Variants in PRDM10 observed in about 807,000 individuals in gnomAD.
The protein encoded by PRDM10 is PR/SET domain 10.
Under a neutral mutation model 133.1 loss-of-function variants are expected in PRDM10, and 65 were observed. The ratio of observed to expected loss-of-function variants is 0.49; its 90% CI spans 0.40 to 0.60. The LOEUF (loss-of-function observed/expected upper bound fraction) is 0.60, where lower values mean the gene tolerates loss of function less well. Ranked by LOEUF, PRDM10 falls within the 20% of genes least tolerant of loss-of-function variation. The pLI is 0.00. For synonymous variants in PRDM10, 582 were observed against 580.4 expected (o/e 1.00, Z -0.04); for missense variants, 1,137 against 1,507.1 (o/e 0.75, Z 4.07).
At chr11:129,984,354 TTTACA>T (rs1938287616) in intron 1 of PRDM10, among the ~76,000 whole-genome samples, 1 of 152,188 alleles carries the variant, frequency 6.6e-6, no homozygotes, top group Non-Finnish European at 1.5e-5. Flanking sequence ...CAACAAAATC[TTTACA>T]TTAAACAAAA....
intron 10 of PRDM10, 96 bp downstream of exon 10, chr11:129,932,006 A>G: frequency 2.8e-6 from 4 of 1,428,852 alleles, no homozygotes; most frequent in Non-Finnish European, 3.8e-6. Flanking sequence ...AAAGGTCTAC[A>G]AACATTGGGA....
At chr11:129,934,078 G>A (rs575802284) in intron 9 of PRDM10, among the ~76,000 whole-genome samples, 10 of 152,196 alleles carry the variant, frequency 6.6e-5, no homozygotes, top group African/African-American at 9.6e-5. Flanking sequence ...CCACTCCCTC[G>A]TGCGTGCTCT....
At chr11:129,993,857 T>G (rs1294989169) in intron 1 of PRDM10, among the ~76,000 whole-genome samples, 1 of 152,196 alleles carries the variant, frequency 6.6e-6, no homozygotes, top group African/African-American at 2.4e-5. Context: ...TTTCAAAGTG[T>G]TTTGCCTTTT....
At chr11:129,943,370 G>A (rs887253325) in intron 6 of PRDM10, among the ~76,000 whole-genome samples, 3 of 152,192 alleles carry the variant, frequency 2.0e-5, no homozygotes, top group African/African-American at 7.2e-5. Flanking sequence ...TTGCATTCCA[G>A]TCAAAATTAT....
intron 4 of PRDM10, among the ~76,000 whole-genome samples, chr11:129,953,794 T>C (rs1297975146): frequency 7.4e-6 from 1 of 134,980 alleles, no homozygotes; most frequent in Non-Finnish European, 1.5e-5. Flanking sequence ...AATAATCTGA[T>C]ATGATGTCCA....
chr11:129,933,156 A>G (rs1415528813), intron 9 of PRDM10, among the ~76,000 whole-genome samples: 1 of 152,240 alleles, frequency 6.6e-6, no homozygotes, highest in Admixed American at 6.5e-5. Context: ...GAAGTGTACA[A>G]TGTCAATCAG....
intron 1 of PRDM10, among the ~76,000 whole-genome samples, chr11:129,979,023 C>A (rs565278144): frequency 6.2e-4 from 94 of 152,272 alleles, no homozygotes; most frequent in African/African-American, 2.2e-3. Flanking sequence ...GACAATCCTA[C>A]ATGAAAATCC....
At position 129,961,001 on chromosome 11, in the gene PRDM10, T is replaced by G. The variant is rs777535710; in HGVS notation, c.-37A>C. 6.2e-7 allele frequency: 1 copy of G among 1,601,534 alleles called. No individual in the cohort carries two copies. The highest frequency in any genetic ancestry group is 8.6e-7 in the Non-Finnish European group (1 of 1,168,858). On this transcript the variant is annotated 5_prime_UTR_variant, in exon 2 of 21. The change abolishes the stop of an existing upstream ORF in the 5' untranslated region. Transcript: ENST00000360871. ...TGGACAGCTCCACGTCTGGCACACC[T>G]AGAGCAGCACAGGGTACAGGACAGT...
chr11:129,913,967 T>C (rs747041638), intron 17 of PRDM10, among the ~76,000 whole-genome samples: 2 of 152,216 alleles, frequency 1.3e-5, no homozygotes, highest in Non-Finnish European at 2.9e-5. Context: ...AACACAGTTA[T>C]ACCTCTATAC....
chr11:129,934,689 T>C (rs1287807834), intron 9 of PRDM10, among the ~76,000 whole-genome samples: 1 of 152,224 alleles, frequency 6.6e-6, no homozygotes, highest in Non-Finnish European at 1.5e-5. Flanking sequence ...GCCCACTTCA[T>C]CCCATATGAT....
At chr11:130,002,189 TGCCCGCCGC>T (rs1274589967) in intron 1 of PRDM10, among the ~76,000 whole-genome samples, 1 of 147,664 alleles carries the variant, frequency 6.8e-6, no homozygotes, top group Admixed American at 6.7e-5. Flanking sequence ...GGCGGAGACC[TGCCCGCCGC>T]GCCCGGAGCG....
At chr11:129,957,676 CAG>C in intron 3 of PRDM10, 68 bp downstream of exon 3, 1 of 1,536,508 alleles carries the variant, frequency 6.5e-7, no homozygotes, top group Non-Finnish European at 8.8e-7. Context: ...CAATGACTGA[CAG>C]AAAGTAAACA....
chr11:129,909,374 C>T (rs1016814312), intron 19 of PRDM10, among the ~76,000 whole-genome samples: 6 of 151,392 alleles, frequency 4.0e-5, no homozygotes, highest in African/African-American at 1.5e-4. Context: ...CACTTGAACC[C>T]GGGAGGCGGA....
chr11:129,914,400 T>G, intron 17 of PRDM10: 3 of 449,922 alleles, frequency 6.7e-6, no homozygotes, highest in Non-Finnish European at 4.1e-6. Context: ...CCAACCAGGA[T>G]GGTTAAAGAT....
At chr11:129,930,136 T>C (rs188668237) in intron 11 of PRDM10, among the ~76,000 whole-genome samples, 1 of 152,250 alleles carries the variant, frequency 6.6e-6, no homozygotes, top group East Asian at 1.9e-4. Flanking sequence ...TAGAGGCAAA[T>C]AAGAAGACCA....
Position 129,923,551 on chromosome 11 carries a change from G to A in PRDM10, c.1879-148C>T. On this transcript the variant is annotated intron_variant, in intron 12 of 20. Transcript: ENST00000360871. This position sits in a 1 kb window ranked among gnomAD's most constrained non-coding sequence, Gnocchi z 4.4. ...GGAATCCAATCAGATGTGATAATTG[G>A]CCTCAATAACACATACTGTCCCTGT... 2 of 813,164 alleles carry A rather than the reference G, an allele frequency of 2.5e-6. No individual in the cohort carries two copies. Among genetic ancestry groups the A allele is most frequent in the East Asian group, 6.2e-5 (2 of 32,402 alleles). The allele number at this position is 813,164 out of a possible 1,614,324, so 50.4% of individuals were successfully genotyped here.
At chr11:129,987,154 G>A (rs1366149028) in intron 1 of PRDM10, among the ~76,000 whole-genome samples, 2 of 152,088 alleles carry the variant, frequency 1.3e-5, no homozygotes, top group African/African-American at 2.4e-5. Context: ...ACAGCATATT[G>A]TAGCTTCAGA....
rs982822711 is a variant in PRDM10, at chr11:129,932,246, T to C, written c.1158-15A>G. ...TGCCTCTTGTTCTGGGGACAAGAGA[T>C]TGGGTTACAGGTCGTCATGGTTACA... On this transcript the variant is annotated splice_polypyrimidine_tract_variant and intron_variant, in intron 9 of 20. Coordinates refer to ENST00000360871, the MANE Select transcript of PRDM10 (RefSeq NM_199437.2). 6.8e-6 allele frequency: 11 copies of C among 1,613,118 alleles called. No homozygotes were observed. The highest frequency in any genetic ancestry group is 1.6e-4 in the Middle Eastern group (1 of 6,082).
intron 4 of PRDM10, among the ~76,000 whole-genome samples, chr11:129,954,943 G>C (rs1277018141): frequency 6.6e-6 from 1 of 152,208 alleles, no homozygotes; most frequent in African/African-American, 2.4e-5. Context: ...ATAGGCATGA[G>C]CCTCTGTGCC....
Sources: gnomAD v4.1 joint callset for allele counts (sites outside exome capture counted in the v4.1 genomes callset) on GRCh38, gnomAD v4.1.1 for gene constraint, Gnocchi (gnomAD v3.1) non-coding constraint, MANE v1.5 for transcripts, NCBI Gene and HGNC (gene_info 2026-07-23, HGNC 2026-07-21) for gene names.